Variants in ROBO1 observed in about 807,000 individuals in gnomAD.
ROBO1 encodes roundabout guidance receptor 1, also known as roundabout homolog 1.
ROBO1 carries 149 observed loss-of-function variants against 195.9 expected under a neutral mutation model. The ratio of observed to expected loss-of-function variants is 0.76; its 90% CI spans 0.67 to 0.87. The LOEUF is 0.87. Ranked by LOEUF, ROBO1 falls within the 40% of genes least tolerant of loss-of-function variation. The probability of loss-of-function intolerance (pLI) is 0.00; values close to 1 mark genes in which losing one functional copy is unlikely to be tolerated. For missense variants in ROBO1, 1,933 were observed against 2,068.3 expected (o/e 0.93, Z 1.27); for synonymous variants, 816 against 733.2 (o/e 1.11, Z -1.82).
intron 1 of ROBO1, among the ~76,000 whole-genome samples, chr3:79,662,400 T>C (rs1014918323): frequency 6.6e-6 from 1 of 152,110 alleles, no homozygotes; most frequent in Non-Finnish European, 1.5e-5. Flanking sequence ...TTTTAGATCA[T>C]TAAACCCTCA....
At chr3:79,599,088 A>G (rs1944265474) in intron 1 of ROBO1, among the ~76,000 whole-genome samples, 4 of 152,064 alleles carry the variant, frequency 2.6e-5, no homozygotes, top group Admixed American at 2.0e-4. Flanking sequence ...GTTTTACTGT[A>G]TTATCATCTT....
chr3:79,038,270 T>C lies in ROBO1; in HGVS notation c.172+87186A>G, dbSNP rs748858673. Reference sequence around the variant, plus strand: ...AGGAAGACTCATACTGACTGAGCAATTGAAGGAGCCTTTGAACTTATGAGT... The same window carrying C: ...AGGAAGACTCATACTGACTGAGCAACTGAAGGAGCCTTTGAACTTATGAGT... On this transcript the variant is annotated intron_variant, in intron 3 of 30. Transcript: ENST00000464233. 5.3e-5 allele frequency among the ~76,000 whole-genome samples: 8 copies of C among 152,338 alleles called. No individual in the cohort carries two copies. In the South Asian group the frequency reaches 1.0e-3, roughly 20 times the overall value.
intron 4 of ROBO1, among the ~76,000 whole-genome samples, chr3:78,868,134 G>A (rs985427773): frequency 7.9e-5 from 12 of 152,108 alleles, no homozygotes; most frequent in Non-Finnish European, 5.9e-5. Context: ...TACTACTGAC[G>A]TAAGGTATAT....
intron 2 of ROBO1, among the ~76,000 whole-genome samples, chr3:79,471,367 C>T (rs1406301248): frequency 1.3e-5 from 2 of 152,218 alleles, no homozygotes. Flanking sequence ...AAAGAGACAA[C>T]CTATAAAACA....
At position 79,392,168 on chromosome 3, in the gene ROBO1, G is replaced by A. The variant is rs149515152; in HGVS notation, c.88+197656C>T. Among the ~76,000 whole-genome samples, 92 of 152,264 alleles carry A rather than the reference G, an allele frequency of 6.0e-4. No homozygotes were observed. In the East Asian group the frequency reaches 0.014, roughly 24 times the overall value. On this transcript the variant is annotated intron_variant, in intron 2 of 30. Transcript: ENST00000464233. ...GAGAATGTGTCAGAGAAGCAACCAC[G>A]GAATGGACATTCAAACCATCTGGCA...
At chr3:79,250,185 G>A (rs2082694665) in intron 2 of ROBO1, among the ~76,000 whole-genome samples, 1 of 152,148 alleles carries the variant, frequency 6.6e-6, no homozygotes, top group African/African-American at 2.4e-5. Context: ...TTTGAGCTTT[G>A]AATGCACACA....
rs144354383 is a variant in ROBO1 at position 79,238,949 on chromosome 3, A to G, written c.89-113410T>C. Among the ~76,000 whole-genome samples the G allele has an allele frequency of 2.1e-3, 317 of 152,338 alleles. 1 individual carries two copies. The highest frequency in any genetic ancestry group is 7.4e-3 in the African/African-American group (306 of 41,578). On this transcript the variant is annotated intron_variant, in intron 2 of 30. Transcript: ENST00000464233. ...TATTCCATATTGCAGTTTAGTCATT[A>G]GAATGATTTAGTCATGTAGAAGTCA...
chr3:79,153,095 G>A (rs78131548), intron 2 of ROBO1, among the ~76,000 whole-genome samples: 8,156 of 151,668 alleles, frequency 0.054, 289 homozygotes, highest in Middle Eastern at 0.099. Context: ...TGTGGAGGAC[G>A]GATGTGTGTG....
chr3:79,081,066 A>G (rs1347144603), intron 3 of ROBO1, among the ~76,000 whole-genome samples: 2 of 152,186 alleles, frequency 1.3e-5, no homozygotes, highest in Non-Finnish European at 1.5e-5. Context: ...AAGAAAATCG[A>G]CTTATAGTGT....
chr3:78,718,392 T>C (rs1461387561), intron 5 of ROBO1, among the ~76,000 whole-genome samples: 2 of 152,160 alleles, frequency 1.3e-5, no homozygotes, highest in African/African-American at 4.8e-5. Context: ...TGTATCTTCA[T>C]TGCGAAAACA....
At chr3:78,642,579 C>G (rs1301435009) in intron 21 of ROBO1, among the ~76,000 whole-genome samples, 1 of 152,204 alleles carries the variant, frequency 6.6e-6, no homozygotes. Context: ...ACTTTCCCAT[C>G]CCACCCTTCT....
intron 3 of ROBO1, among the ~76,000 whole-genome samples, chr3:78,959,738 A>G (rs2041240647): frequency 6.6e-6 from 1 of 152,222 alleles, no homozygotes; most frequent in African/African-American, 2.4e-5. Context: ...GATATATGCC[A>G]TCTAAAAACT....
intron 2 of ROBO1, among the ~76,000 whole-genome samples, chr3:79,332,080 T>C (rs2109177085): frequency 6.7e-6 from 1 of 150,024 alleles, no homozygotes; most frequent in East Asian, 2.0e-4. Context: ...GAGGCGAAGC[T>C]TACAGTGAGC....
chr3:79,458,832 C>T (rs1208707101), intron 2 of ROBO1, among the ~76,000 whole-genome samples: 1 of 151,490 alleles, frequency 6.6e-6, no homozygotes, highest in Non-Finnish European at 1.5e-5. Flanking sequence ...TAAAATGACC[C>T]CAATAGAAAC....
chr3:78,638,883 A>C (rs201927982), intron 22 of ROBO1, among the ~76,000 whole-genome samples: 10 of 152,200 alleles, frequency 6.6e-5, no homozygotes, highest in East Asian at 1.9e-4. Flanking sequence ...AAAAAACAAC[A>C]AACAAGCAAA....
intron 5 of ROBO1, among the ~76,000 whole-genome samples, chr3:78,727,301 C>T (rs1421430474): frequency 6.6e-6 from 1 of 151,618 alleles, no homozygotes; most frequent in African/African-American, 2.4e-5. Flanking sequence ...TGTCATAGTC[C>T]CAGGTAGGTA....
At chr3:79,527,552 A>G (rs763245817) in intron 2 of ROBO1, among the ~76,000 whole-genome samples, 32 of 152,154 alleles carry the variant, frequency 2.1e-4, no homozygotes, top group Non-Finnish European at 4.7e-4. Flanking sequence ...AGATAGAAAA[A>G]GAAAATTCAG....
At chr3:79,256,522 G>A (rs1228393568) in intron 2 of ROBO1, among the ~76,000 whole-genome samples, 1 of 152,114 alleles carries the variant, frequency 6.6e-6, no homozygotes, top group Non-Finnish European at 1.5e-5. Flanking sequence ...ATAACATTTT[G>A]TCAATACTTA....
intron 2 of ROBO1, among the ~76,000 whole-genome samples, chr3:79,497,842 T>C (rs1426196584): frequency 6.6e-6 from 1 of 152,184 alleles, no homozygotes; most frequent in East Asian, 1.9e-4. Flanking sequence ...TTGTAGTTGA[T>C]AGGTTTGGTA....
Sources: allele counts gnomAD v4.1 joint callset (sites outside exome capture counted in the v4.1 genomes callset), GRCh38; gene constraint gnomAD v4.1.1; transcripts MANE v1.5; gene names NCBI Gene and HGNC (gene_info 2026-07-23, HGNC 2026-07-21).